Variants in AIG1 observed in about 807,000 individuals in gnomAD.
AIG1 encodes the protein androgen-induced gene 1 protein.
AIG1 carries 23 observed loss-of-function variants against 31.4 expected under a neutral mutation model. The observed-to-expected ratio is 0.73, with a 90% CI of 0.53 to 1.04. The LOEUF is 1.04. AIG1 is among the 50% of genes least tolerant of loss of function. The probability of loss-of-function intolerance (pLI) is 0.00; values close to 1 mark genes in which losing one functional copy is unlikely to be tolerated. For synonymous variants in AIG1, 100 were observed against 110.5 expected (o/e 0.90, Z 0.60); for missense variants, 274 against 295.0 (o/e 0.93, Z 0.52).
At chr6:143,341,808 A>T (rs1230574007), downstream of AIG1, among the ~76,000 whole-genome samples, 2 of 152,206 alleles carry the variant, frequency 1.3e-5, no homozygotes, top group African/African-American at 2.4e-5. Flanking sequence ...ATTTTGGAGG[A>T]TGATAAATTA....
chr6:143,182,405 A>C (rs1220192852), intron 3 of AIG1, among the ~76,000 whole-genome samples: 2 of 152,172 alleles, frequency 1.3e-5, no homozygotes, highest in African/African-American at 4.8e-5. Context: ...ATGAATCAGT[A>C]GATGTTAATG....
intron 1 of AIG1, among the ~76,000 whole-genome samples, chr6:143,086,910 C>G (rs73777871): frequency 6.6e-6 from 1 of 152,050 alleles, no homozygotes; most frequent in African/African-American, 2.4e-5. Context: ...GAGTTCAGGA[C>G]GACAGCTCTC....
At chr6:143,121,354 A>G (rs1782228962) in intron 1 of AIG1, among the ~76,000 whole-genome samples, 1 of 152,252 alleles carries the variant, frequency 6.6e-6, no homozygotes, top group Non-Finnish European at 1.5e-5. Flanking sequence ...ATCATCTCTC[A>G]GGTGCTGCTC....
chr6:143,297,642 C>G lies in AIG1; in HGVS notation c.515+13417C>G, dbSNP rs528956386. 3.9e-4 allele frequency among the ~76,000 whole-genome samples: 59 copies of G among 152,238 alleles called. No individual in the cohort carries two copies. Among genetic ancestry groups the G allele is most frequent in the Admixed American group, 7.2e-4 (11 of 15,286 alleles). On this transcript the variant is annotated intron_variant, in intron 4 of 5. Coordinates refer to ENST00000357847, the MANE Select transcript of AIG1 (RefSeq NM_016108.4). This position sits in a 1 kb window ranked among gnomAD's most constrained non-coding sequence, Gnocchi z 5.1. ...AGTGGTTGGCCCATTTCCTGTAACA[C>G]TGCTCCTACTCAGCCTCCTTGGGAG...
intron 1 of AIG1, among the ~76,000 whole-genome samples, chr6:143,121,141 CTGTT>C (rs1324368348): frequency 8.5e-5 from 13 of 152,184 alleles, no homozygotes; most frequent in South Asian, 4.1e-4. Flanking sequence ...GGGTAAATCT[CTGTT>C]TGAGGCTCTC....
At chr6:143,343,429 G>A (rs992888614), downstream of AIG1, 8 of 481,480 alleles carry the variant, frequency 1.7e-5, no homozygotes, top group African/African-American at 1.2e-4. Context: ...TCCTGCCGGA[G>A]AGCCCCAGGA....
chr6:143,181,806 G>A (rs1788746203), intron 3 of AIG1, among the ~76,000 whole-genome samples: 1 of 152,046 alleles, frequency 6.6e-6, no homozygotes, highest in African/African-American at 2.4e-5. Context: ...AAGAAGGATA[G>A]TATCATGAAT....
chr6:143,343,024 T>C, downstream of AIG1: 1 of 840,428 alleles, frequency 1.2e-6, no homozygotes. Context: ...TTTTGTCAGT[T>C]ATGTGTGTAA....
intron 2 of AIG1, among the ~76,000 whole-genome samples, chr6:143,140,649 C>G (rs922637188): frequency 2.0e-5 from 3 of 152,208 alleles, no homozygotes; most frequent in Non-Finnish European, 4.4e-5. Context: ...AAGTGCCAAC[C>G]TGGACGGTTC....
chr6:143,314,574 C>A (rs1775577658), intron 4 of AIG1, among the ~76,000 whole-genome samples: 1 of 151,886 alleles, frequency 6.6e-6, no homozygotes, highest in African/African-American at 2.4e-5. Context: ...TACAATAGCA[C>A]CAAAAAATAA....
chr6:143,252,359 G>A (rs1795068675), intron 3 of AIG1, among the ~76,000 whole-genome samples: 1 of 152,130 alleles, frequency 6.6e-6, no homozygotes, highest in African/African-American at 2.4e-5. Flanking sequence ...GACCTCAGGT[G>A]ATCCACCCAC....
intron 2 of AIG1, among the ~76,000 whole-genome samples, chr6:143,155,581 G>T (rs560937024): frequency 6.6e-6 from 1 of 152,050 alleles, no homozygotes; most frequent in Non-Finnish European, 1.5e-5. Flanking sequence ...GTGTTGTGGG[G>T]GTCAAGGAGA....
chr6:143,197,999 T>C (rs1328308008), intron 3 of AIG1, among the ~76,000 whole-genome samples: 2 of 152,228 alleles, frequency 1.3e-5, no homozygotes, highest in African/African-American at 4.8e-5. Context: ...TGTCCTGTGA[T>C]AATGTTGCTG....
Position 143,333,168 on chromosome 6 carries a change from T to TA in AIG1, c.516-114_516-113insA. 6.5e-6 allele frequency: 7 copies of TA among 1,082,272 alleles called. No homozygotes were observed. Among genetic ancestry groups the TA allele is most frequent in the Non-Finnish European group, 8.8e-6 (7 of 796,986 alleles). 67.0% of individuals were successfully genotyped at this position (1,082,272 alleles called of 1,614,324 possible). ...TGAGTATCAGAAGCGAACTTGAGACTGGCAAATGCTGAAGCATGGGGAGAG... is the reference window on the plus strand; with the variant it reads ...TGAGTATCAGAAGCGAACTTGAGACTAGGCAAATGCTGAAGCATGGGGAGAG... On this transcript the variant is annotated intron_variant, in intron 4 of 5. Coordinates refer to ENST00000357847, the MANE Select transcript of AIG1 (RefSeq NM_016108.4). This position sits in a 1 kb window ranked among gnomAD's most constrained non-coding sequence, Gnocchi z 4.6.
At chr6:143,099,763 G>GT (rs774726628) in intron 1 of AIG1, 3 of 152,134 alleles carry the variant, frequency 2.0e-5, no homozygotes, top group Non-Finnish European at 4.4e-5. Flanking sequence ...ACATGCTTAT[G>GT]TTTTTTATTG....
At chr6:143,090,090 A>G (rs1320838354) in intron 1 of AIG1, among the ~76,000 whole-genome samples, 9 of 152,210 alleles carry the variant, frequency 5.9e-5, no homozygotes, top group African/African-American at 9.7e-5. Flanking sequence ...GGATGAAACT[A>G]ATTGCTTAAC....
intron 3 of AIG1, among the ~76,000 whole-genome samples, chr6:143,212,412 T>C (rs377564534): frequency 2.9e-4 from 44 of 152,266 alleles, no homozygotes; most frequent in African/African-American, 9.9e-4. Context: ...GAGCACACAA[T>C]GTGAGGAAAT....
At chr6:143,069,206 G>A (rs188725868) in intron 1 of AIG1, among the ~76,000 whole-genome samples, 2 of 152,112 alleles carry the variant, frequency 1.3e-5, no homozygotes, top group East Asian at 1.9e-4. Context: ...TAGTAGAGAC[G>A]GGGTTTCGCC....
intron 4 of AIG1, among the ~76,000 whole-genome samples, chr6:143,332,617 G>A (rs1004920402): frequency 4.6e-5 from 7 of 152,216 alleles, no homozygotes; most frequent in African/African-American, 1.7e-4. Flanking sequence ...GTGTCTAGTT[G>A]GAAGGCCATA....
Sources: gnomAD v4.1 joint callset for allele counts (sites outside exome capture counted in the v4.1 genomes callset) on GRCh38, gnomAD v4.1.1 for gene constraint, Gnocchi (gnomAD v3.1) non-coding constraint, MANE v1.5 for transcripts, NCBI Gene and HGNC (gene_info 2026-07-23, HGNC 2026-07-21) for gene names.